Variants in RBFOX1 observed in about 807,000 individuals in gnomAD.
RBFOX1 encodes the protein RNA binding fox-1 homolog 1.
In RBFOX1, 8 loss-of-function variants were observed where a neutral mutation model predicts 57.7. The observed-to-expected ratio is 0.14, with a 90% confidence interval of 0.08 to 0.25. The LOEUF (loss-of-function observed/expected upper bound fraction) is 0.25, where lower values mean the gene tolerates loss of function less well. Among genes scored for constraint, RBFOX1 ranks in the 10% least tolerant of loss-of-function variants. The probability of loss-of-function intolerance (pLI) is 1.00; values close to 1 mark genes in which losing one functional copy is unlikely to be tolerated. For missense variants in RBFOX1, 611 were observed against 548.5 expected (o/e 1.11, Z -1.14); for synonymous variants, 326 against 222.4 (o/e 1.47, Z -4.15).
At chr16:7,451,686 G>GC (rs993496268) in intron 4 of RBFOX1, among the ~76,000 whole-genome samples, 3 of 100,520 alleles carry the variant, frequency 3.0e-5, no homozygotes, top group Non-Finnish European at 5.9e-5. Flanking sequence ...CCCTCCCCCC[G>GC]CCCCGTATTC....
At chr16:6,240,309 A>G (rs1010353197) in intron 1 of RBFOX1, among the ~76,000 whole-genome samples, 28 of 152,124 alleles carry the variant, frequency 1.8e-4, no homozygotes, top group African/African-American at 3.1e-4. Context: ...GGTGTCCTAT[A>G]TGGGGACTAA....
intron 2 of RBFOX1, among the ~76,000 whole-genome samples, chr16:6,452,605 A>C (rs1345624882): frequency 6.6e-6 from 1 of 152,222 alleles, no homozygotes; most frequent in Admixed American, 6.5e-5. Context: ...AAACTCAACT[A>C]TCTAAGCAAA....
chr16:6,169,951 T>C (rs758792096), intron 1 of RBFOX1, among the ~76,000 whole-genome samples: 7 of 152,058 alleles, frequency 4.6e-5, no homozygotes, highest in Non-Finnish European at 8.8e-5. Flanking sequence ...TTTTTTTTAG[T>C]AGATAGGGTG....
In RBFOX1 at chr16:5,822,620, G is replaced by A. The variant is rs569072307; in HGVS notation, c.319-44683G>A. ...ATGGTGGGCAAGAATTGAGGTGATA[G>A]GTACATTTAAAATACACAATGCTGC... On this transcript the variant is annotated intron_variant, in intron 3 of 19. Transcript: ENST00000641259. 8.5e-5 allele frequency among the ~76,000 whole-genome samples: 13 copies of A among 152,214 alleles called. No individual in the cohort carries two copies. The East Asian group carries it at 1.4e-3, about 16-fold the overall frequency.
chr16:7,011,675 G>A (rs1387735634), intron 3 of RBFOX1, among the ~76,000 whole-genome samples: 3 of 152,062 alleles, frequency 2.0e-5, no homozygotes, highest in Admixed American at 6.6e-5. Flanking sequence ...CACCATGCTC[G>A]GCTAATTTTT....
intron 3 of RBFOX1, among the ~76,000 whole-genome samples, chr16:6,955,903 A>T (rs1365701080): frequency 1.3e-5 from 2 of 151,974 alleles, no homozygotes; most frequent in African/African-American, 4.8e-5. Context: ...ATGGGGTTTC[A>T]CCATGTTGGT....
At chr16:6,565,438 T>C (rs1245837913) in intron 2 of RBFOX1, among the ~76,000 whole-genome samples, 1 of 151,664 alleles carries the variant, frequency 6.6e-6, no homozygotes, top group Non-Finnish European at 1.5e-5. Flanking sequence ...TTTGTATTTT[T>C]AGTAGAGATG....
chr16:7,226,863 C>A (rs1272154626), intron 4 of RBFOX1, among the ~76,000 whole-genome samples: 4 of 152,202 alleles, frequency 2.6e-5, no homozygotes, highest in Non-Finnish European at 5.9e-5. Context: ...TTCAGGCTCA[C>A]AGGCAAATGG....
intron 3 of RBFOX1, among the ~76,000 whole-genome samples, chr16:7,047,098 G>A (rs575299323): frequency 1.1e-3 from 157 of 141,084 alleles, no homozygotes; most frequent in Non-Finnish European, 1.9e-3. Context: ...ATGAACTCAA[G>A]AGTCCAGTCA....
rs1297086075 is a variant in RBFOX1, at chr16:6,334,879, GA to G, written c.-64+17823del. Among the ~76,000 whole-genome samples, 10 of 152,176 alleles carry G rather than the reference GA, an allele frequency of 6.6e-5. 1 individual carries two copies. Among genetic ancestry groups the G allele is most frequent in the Admixed American group, 1.3e-4 (2 of 15,274 alleles). On this transcript the variant is annotated intron_variant, in intron 2 of 15. Coordinates refer to ENST00000550418, the MANE Select transcript of RBFOX1 (RefSeq NM_018723.4). ...AACTTTTCCCCTGTGGTCAAAGAGG[GA>G]GAGATATTTGCTTCTGGAGACTGGA...
intron 1 of RBFOX1, chr16:5,467,194 C>CTCTCTG: frequency 6.9e-7 from 1 of 1,448,802 alleles, no homozygotes; most frequent in Non-Finnish European, 9.2e-7. Context: ...CTCTCTCTCT[C>CTCTCTG]TCTTTTTTTT....
intron 3 of RBFOX1, among the ~76,000 whole-genome samples, chr16:7,031,744 C>T (rs561527028): frequency 6.6e-6 from 1 of 152,104 alleles, no homozygotes; most frequent in Non-Finnish European, 1.5e-5. Flanking sequence ...ACTCTGTGCC[C>T]TCAAACAACA....
At chr16:6,018,866 C>T (rs190401818), upstream of RBFOX1, among the ~76,000 whole-genome samples, 207 of 152,122 alleles carry the variant, frequency 1.4e-3, 2 homozygotes, top group Admixed American at 0.012. Flanking sequence ...ATTGCCCCAG[C>T]ATCCAACTTT....
chr16:6,255,500 T>G (rs1259805431), intron 1 of RBFOX1, among the ~76,000 whole-genome samples: 1 of 151,998 alleles, frequency 6.6e-6, no homozygotes, highest in Non-Finnish European at 1.5e-5. Flanking sequence ...GCATGGTGAT[T>G]TTGACTATAA....
chr16:6,489,827 AAAG>A lies in RBFOX1; in HGVS notation c.-63-164775_-63-164773del, dbSNP rs1477659416. Among the ~76,000 whole-genome samples, 3 of 152,314 alleles carry A rather than the reference AAAG, an allele frequency of 2.0e-5. No homozygotes were observed. The East Asian group carries it at 5.8e-4, about 29-fold the overall frequency. On this transcript the variant is annotated intron_variant, in intron 2 of 15. Coordinates refer to ENST00000550418, the MANE Select transcript of RBFOX1 (RefSeq NM_018723.4). Reference sequence around the variant, plus strand: ...CATGACCACCTCCAACAACAGCAAAAAAGCCACCAAAGGGAAACACTAATGTAC... The same window carrying A: ...CATGACCACCTCCAACAACAGCAAAACCACCAAAGGGAAACACTAATGTAC...
chr16:5,738,152 G>A (rs1290759731), intron 3 of RBFOX1, among the ~76,000 whole-genome samples: 1 of 151,914 alleles, frequency 6.6e-6, no homozygotes, highest in African/African-American at 2.4e-5. Flanking sequence ...TGATCTTCTG[G>A]TCTTTAAAAA....
At chr16:6,934,674 G>A (rs1395711072) in intron 3 of RBFOX1, among the ~76,000 whole-genome samples, 2 of 151,552 alleles carry the variant, frequency 1.3e-5, no homozygotes, top group African/African-American at 4.9e-5. Flanking sequence ...TCACTCATAT[G>A]TGGGAGTTAA....
chr16:7,596,326 T>C (rs2094700039), intron 8 of RBFOX1, among the ~76,000 whole-genome samples: 1 of 151,962 alleles, frequency 6.6e-6, no homozygotes, highest in Admixed American at 6.6e-5. Flanking sequence ...TTTGTCCCAC[T>C]GGGATCTCCC....
intron 4 of RBFOX1, among the ~76,000 whole-genome samples, chr16:7,056,683 A>C (rs936547137): frequency 2.6e-5 from 4 of 152,148 alleles, no homozygotes; most frequent in African/African-American, 9.7e-5. Context: ...CTTTCTGAGC[A>C]CTCATAAAAT....
Sources: gnomAD v4.1 joint callset for allele counts (sites outside exome capture counted in the v4.1 genomes callset) on GRCh38, gnomAD v4.1.1 for gene constraint, MANE v1.5 for transcripts, NCBI Gene and HGNC (gene_info 2026-07-23, HGNC 2026-07-21) for gene names.